Variants in LRBA observed in about 807,000 individuals in gnomAD.
LRBA encodes LPS responsive beige-like anchor protein, also known as lipopolysaccharide-responsive and beige-like anchor protein.
In LRBA, 176 loss-of-function variants were observed where a neutral mutation model predicts 330.0. The observed-to-expected ratio is 0.53, with a 90% CI of 0.47 to 0.60. The LOEUF is 0.60. Among genes scored for constraint, LRBA ranks in the 20% least tolerant of loss-of-function variants. LRBA has a pLI of 0.00. For missense variants in LRBA, 3,259 were observed against 3,444.8 expected (o/e 0.95, Z 1.35); for synonymous variants, 1,230 against 1,193.0 (o/e 1.03, Z -0.64).
chr4:150,867,138 A>G (rs767072712), intron 22 of LRBA, among the ~76,000 whole-genome samples: 10 of 149,980 alleles, frequency 6.7e-5, no homozygotes, highest in Non-Finnish European at 1.2e-4. Flanking sequence ...AAAAAACTAC[A>G]TTCTTCCAAA....
In LRBA at chr4:150,825,341, T is replaced by C. The variant is rs78068324; in HGVS notation, c.5171+2839A>G. Among the ~76,000 whole-genome samples, 108 of 152,224 alleles carry C rather than the reference T, an allele frequency of 7.1e-4. 3 individuals carry two copies. The East Asian group carries it at 0.019, about 27-fold the overall frequency. The stretch of plus-strand genomic sequence containing the variant: ...CACTTAAAATGCTGTGTGACACTAG[T>C]CATCTCAGAGCACGCAGTTCATCTC... On this transcript the variant is annotated intron_variant, in intron 30 of 56. Transcript: ENST00000651943.
At chr4:150,517,090 G>A (rs991724595) in intron 40 of LRBA, among the ~76,000 whole-genome samples, 2 of 152,110 alleles carry the variant, frequency 1.3e-5, no homozygotes, top group Non-Finnish European at 2.9e-5. Flanking sequence ...TATGGAGTGA[G>A]ATAAACAAAC....
At chr4:150,450,833 G>C (rs1288886226) in intron 44 of LRBA, among the ~76,000 whole-genome samples, 3 of 152,126 alleles carry the variant, frequency 2.0e-5, no homozygotes, top group Non-Finnish European at 4.4e-5. Context: ...CCAGGAGTTT[G>C]AGACCAGCCT....
intron 40 of LRBA, among the ~76,000 whole-genome samples, chr4:150,555,214 T>C (rs1033144442): frequency 3.9e-5 from 6 of 152,154 alleles, no homozygotes; most frequent in African/African-American, 1.4e-4. Flanking sequence ...AGTTGTTTAA[T>C]TGTATAAAGA....
intron 34 of LRBA, among the ~76,000 whole-genome samples, chr4:150,766,226 T>G (rs1477364297): frequency 6.6e-6 from 1 of 152,052 alleles, no homozygotes; most frequent in Non-Finnish European, 1.5e-5. Context: ...AACCTTATAC[T>G]TTTGGTTATT....
At position 150,849,513 on chromosome 4, in the gene LRBA, T is replaced by C; in HGVS notation, c.4067A>G (p.Asn1356Ser). 1 of 1,613,358 alleles carries C rather than the reference T, an allele frequency of 6.2e-7. No homozygotes were observed. The highest frequency in any genetic ancestry group is 8.5e-7 in the Non-Finnish European group (1 of 1,179,290). ...CACTTGAGAGATGAGATGAATTGTG[T>C]TGTGTACAAAGATGACATTATCACT... ...NSSDNVIFVHNTIHLISQVMD... is the reference protein window; with the variant it reads ...NSSDNVIFVHSTIHLISQVMD... The change falls in exon 25 of 57, where the codon AAC (asparagine) becomes AGC (serine). Residue 1356 changes from asparagine to serine, a missense_variant. By Grantham distance (46) the Asn-to-Ser change is conservative. Coordinates refer to ENST00000651943, the MANE Select transcript of LRBA (RefSeq NM_001364905.1).
At chr4:150,966,129 G>A (rs924606771) in intron 2 of LRBA, among the ~76,000 whole-genome samples, 4 of 152,070 alleles carry the variant, frequency 2.6e-5, no homozygotes, top group East Asian at 1.9e-4. Flanking sequence ...GGTATTATGT[G>A]AAATTTTGCC....
At chr4:150,542,768 G>T (rs766094096) in intron 40 of LRBA, among the ~76,000 whole-genome samples, 2 of 151,942 alleles carry the variant, frequency 1.3e-5, no homozygotes, top group African/African-American at 4.8e-5. Flanking sequence ...ATCCAGAATC[G>T]AAAAACAAAC....
At chr4:150,467,624 A>G (rs1344435334) in intron 44 of LRBA, 49 bp downstream of exon 44, 2 of 1,169,266 alleles carry the variant, frequency 1.7e-6, no homozygotes, top group East Asian at 2.4e-5. Context: ...AATCCAATTT[A>G]TTTTTATATG....
intron 46 of LRBA, among the ~76,000 whole-genome samples, chr4:150,433,108 T>A (rs754928915): frequency 6.6e-5 from 10 of 152,112 alleles, no homozygotes; most frequent in Non-Finnish European, 1.3e-4. Flanking sequence ...ATTTTGTGCT[T>A]CCAAACATAA....
At chr4:150,608,745 C>A (rs934886811) in intron 37 of LRBA, among the ~76,000 whole-genome samples, 4 of 152,146 alleles carry the variant, frequency 2.6e-5, no homozygotes, top group African/African-American at 9.7e-5. Flanking sequence ...TACCCATTAC[C>A]CGTCATTCCA....
intron 44 of LRBA, among the ~76,000 whole-genome samples, chr4:150,452,311 C>G (rs745481503): frequency 6.6e-6 from 1 of 152,102 alleles, no homozygotes; most frequent in Non-Finnish European, 1.5e-5. Context: ...TCAGAAAAAG[C>G]ATTTGATAAA....
At chr4:150,925,442 A>C (rs534887023) in intron 4 of LRBA, among the ~76,000 whole-genome samples, 56 of 152,338 alleles carry the variant, frequency 3.7e-4, no homozygotes, top group African/African-American at 1.2e-3. Context: ...TGAATTATTA[A>C]ATCACTGGAT....
At chr4:150,890,886 T>C (rs1729391289) in intron 17 of LRBA, among the ~76,000 whole-genome samples, 1 of 152,138 alleles carries the variant, frequency 6.6e-6, no homozygotes, top group African/African-American at 2.4e-5. Flanking sequence ...TTTTTAAATG[T>C]CTATGATACT....
chr4:150,867,590 T>G, intron 22 of LRBA, 81 bp downstream of exon 22: 4 of 1,110,704 alleles, frequency 3.6e-6, no homozygotes, highest in Non-Finnish European at 5.0e-6. Context: ...TGATTTTAAG[T>G]ATCGAAATTT....
chr4:150,485,279 T>C (rs1020360907), intron 42 of LRBA, among the ~76,000 whole-genome samples: 1 of 151,976 alleles, frequency 6.6e-6, no homozygotes, highest in Non-Finnish European at 1.5e-5. Context: ...TTTGAAGCTC[T>C]ATTTTTAGAT....
chr4:150,604,783 ACTAC>A (rs1302263886), intron 37 of LRBA, among the ~76,000 whole-genome samples: 5 of 152,130 alleles, frequency 3.3e-5, no homozygotes, highest in African/African-American at 1.2e-4. Flanking sequence ...CTAGGAGAAT[ACTAC>A]CTTTACCCAC....
chr4:150,354,453 AGTACTCCCCTAGCAG>A (rs1381283552), intron 47 of LRBA, among the ~76,000 whole-genome samples: 2 of 152,148 alleles, frequency 1.3e-5, no homozygotes, highest in Non-Finnish European at 2.9e-5. Context: ...ATCAATTGTT[AGTACTCCCCTAGCAG>A]GCTGCATACA....
At chr4:150,512,064 G>T (rs1761889757) in intron 40 of LRBA, among the ~76,000 whole-genome samples, 1 of 152,224 alleles carries the variant, frequency 6.6e-6, no homozygotes, top group Non-Finnish European at 1.5e-5. Context: ...CTCAATAAAT[G>T]TATACCCAAT....
Sources: gnomAD v4.1 joint callset for allele counts (sites outside exome capture counted in the v4.1 genomes callset) on GRCh38, gnomAD v4.1.1 for gene constraint, MANE v1.5 for transcripts, NCBI Gene and HGNC (gene_info 2026-07-23, HGNC 2026-07-21) for gene names.